The following ZNF341 variants were observed in gnomAD, a reference collection of about 807,000 sequenced individuals.
The protein encoded by ZNF341 is zinc finger protein 341.
A neutral mutation model predicts 87.7 loss-of-function variants in ZNF341; 52 were observed. That is an observed-to-expected ratio of 0.59 (90% CI 0.47 to 0.75). ZNF341 has a LOEUF of 0.75. Ranked by LOEUF, ZNF341 falls within the 30% of genes least tolerant of loss-of-function variation. The pLI is 0.00. For synonymous variants in ZNF341, 459 were observed against 472.7 expected, an observed-to-expected ratio of 0.97 and a Z score of 0.38; for missense variants, 977 against 1,145.9, an observed-to-expected ratio of 0.85 and a Z score of 2.13.
At chr20:33,745,738 C>T (rs576537171) in intron 3 of ZNF341, among the ~76,000 whole-genome samples, 3 of 151,238 alleles carry the variant, frequency 2.0e-5, no homozygotes, top group Admixed American at 6.6e-5. Context: ...ATGAGTTATG[C>T]GGCTGGTTTG....
rs2018600934 is a variant in ZNF341 at position 33,732,805 on chromosome 20, G to A, written c.31+753G>A. ...CTCAGGCTCAAAACTGTGGGCTTTGGAGACAGCAAACACTGAGCACCTCCA... is the reference window on the plus strand; with the variant it reads ...CTCAGGCTCAAAACTGTGGGCTTTGAAGACAGCAAACACTGAGCACCTCCA... On this transcript the variant is annotated intron_variant, in intron 1 of 14. Transcript: ENST00000375200. This position sits in a 1 kb window ranked among gnomAD's most constrained non-coding sequence, Gnocchi z 4.5. 6.6e-6 allele frequency among the ~76,000 whole-genome samples: 1 copy of A among 152,224 alleles called. No homozygotes were observed. Among genetic ancestry groups the A allele is most frequent in the Admixed American group, 6.5e-5 (1 of 15,280 alleles).
chr20:33,759,933 C>T (rs1040613882), intron 7 of ZNF341, among the ~76,000 whole-genome samples: 1 of 152,164 alleles, frequency 6.6e-6, no homozygotes, highest in Non-Finnish European at 1.5e-5. Flanking sequence ...ACCTGCACAT[C>T]GTGGAATGTT....
intron 3 of ZNF341, among the ~76,000 whole-genome samples, chr20:33,746,228 C>CTTTTTTTTTTTTTTTTTTTTT (rs34461652): frequency 1.9e-5 from 2 of 104,112 alleles, no homozygotes; most frequent in Admixed American, 1.0e-4. Context: ...CGCGCCCGGC[C>CTTTTTTTTTTTTTTTTTTTTT]TTTTTTTTTT....
chr20:33,787,656 A>G (rs1327942935), intron 12 of ZNF341: 1 of 152,192 alleles, frequency 6.6e-6, no homozygotes, highest in Non-Finnish European at 1.5e-5. Context: ...CAGCAGGAAG[A>G]TCTGGGTAGC....
chr20:33,775,654 T>G (rs1239170573), intron 10 of ZNF341, among the ~76,000 whole-genome samples: 2 of 152,120 alleles, frequency 1.3e-5, no homozygotes, highest in Non-Finnish European at 2.9e-5. Context: ...GCAATCATGT[T>G]CGAAAAGTGT....
rs143443426 is a variant in ZNF341 at position 33,791,183 on chromosome 20, G to A, written c.2231G>A (p.Arg744Gln). 9.9e-6 allele frequency: 16 copies of A among 1,613,094 alleles called. No homozygotes were observed. The highest frequency in any genetic ancestry group is 1.7e-4 in the Middle Eastern group (1 of 6,060). The change falls in exon 15 of 15, where the codon CGG becomes CAG. Residue 744 changes from arginine (R) to glutamine (Q), a missense_variant. Coordinates refer to ENST00000375200, the MANE Select transcript of ZNF341 (RefSeq NM_001282933.2). ...GPQKDKDLQT[R>Q]RPPQRRAAPR... The stretch of plus-strand genomic sequence containing the variant: ...CAAAAGGACAAGGACCTGCAAACCC[G>A]GCGGCCCCCCCAGAGGAGGGCAGCC...
Position 33,757,272 on chromosome 20 carries a change from C to T in ZNF341, c.866C>T (p.Thr289Met), listed in dbSNP as rs201606943. 101 of 1,605,152 alleles carry T rather than the reference C, an allele frequency of 6.3e-5. 1 individual carries two copies. Among genetic ancestry groups the T allele is most frequent in the South Asian group, 4.1e-4 (37 of 89,696 alleles). Residue 289 changes from threonine to methionine, a missense_variant, in exon 6 of 15, where the codon ACG becomes ATG. By Grantham distance (81) the Thr-to-Met change is moderately conservative. Coordinates refer to ENST00000375200, the MANE Select transcript of ZNF341 (RefSeq NM_001282933.2). ...AAPMTSATGG[T>M]VATFDSPATL... The stretch of plus-strand genomic sequence containing the variant: ...CCCATGACCAGCGCCACCGGGGGCA[C>T]GGTGGCCACCTTTGACTCTCCAGCA...
intron 8 of ZNF341, 47 bp from the exon 9 acceptor site, chr20:33,766,804 C>G (rs1453450000): frequency 1.0e-5 from 16 of 1,550,782 alleles, no homozygotes; most frequent in Non-Finnish European, 1.2e-5. Flanking sequence ...TGCATCCTTC[C>G]TGAATGGGCC....
At chr20:33,774,912 C>T (rs1485995739) in intron 10 of ZNF341, among the ~76,000 whole-genome samples, 1 of 151,932 alleles carries the variant, frequency 6.6e-6, no homozygotes, top group African/African-American at 2.4e-5. Context: ...TGCAGTGAGC[C>T]GTGATCATGC....
In ZNF341 at chr20:33,749,082, T is replaced by C. The variant is rs1432394992; in HGVS notation, c.489+10T>C. The C allele has an allele frequency of 2.5e-6, 4 of 1,609,678 alleles. No individual in the cohort carries two copies. The highest frequency in any genetic ancestry group is 3.3e-5 in the Admixed American group (2 of 59,708). On this transcript the variant is annotated intron_variant, in intron 4 of 14. Coordinates refer to ENST00000375200, the MANE Select transcript of ZNF341 (RefSeq NM_001282933.2). ...CCCCCCACCTGTGCAGGTAAGAAGG[T>C]GTGGGCTTCTCACAGGGTCTTGATT... is the stretch of plus-strand genomic sequence containing the variant.
chr20:33,744,752 C>G (rs1451599495), intron 2 of ZNF341, among the ~76,000 whole-genome samples: 1 of 152,038 alleles, frequency 6.6e-6, no homozygotes, highest in African/African-American at 2.4e-5. Context: ...CCACCATGCC[C>G]AGCTAATTTT....
intron 9 of ZNF341, among the ~76,000 whole-genome samples, chr20:33,767,916 A>G (rs1413818088): frequency 2.0e-5 from 3 of 152,178 alleles, no homozygotes; most frequent in Non-Finnish European, 2.9e-5. Flanking sequence ...TATGGGCTTC[A>G]TCCTCAAGGT....
At chr20:33,742,516 A>G (rs1246178681) in intron 2 of ZNF341, among the ~76,000 whole-genome samples, 2 of 151,578 alleles carry the variant, frequency 1.3e-5, no homozygotes, top group African/African-American at 4.9e-5. Context: ...GGATTTCATC[A>G]TGTTGGCCTG....
intron 3 of ZNF341, among the ~76,000 whole-genome samples, chr20:33,747,739 G>T (rs1475301857): frequency 7.0e-6 from 1 of 142,074 alleles, no homozygotes. Flanking sequence ...TTGAGACAAG[G>T]TCTTACTGTC....
In ZNF341 at chr20:33,762,041, A is replaced by G; in HGVS notation, c.1208A>G (p.Asp403Gly). ...GCCCTGAACCCCAGCAGGCAGGAGG[A>G]CGAGGAAAGCACAGGTGGGTGGAAG... ...VMALNPSRQE[D>G]EESTGLGQPL... is the part of the protein sequence containing the mutation. The change falls in exon 8 of 15, where the codon GAC becomes GGC. Residue 403 changes from aspartate (D) to glycine (G), a missense_variant. Transcript: ENST00000375200. The G allele has an allele frequency of 6.4e-7, 1 of 1,561,344 alleles. No individual in the cohort carries two copies. The highest frequency in any genetic ancestry group is 1.2e-5 in the South Asian group (1 of 86,420).
intron 8 of ZNF341, among the ~76,000 whole-genome samples, chr20:33,764,944 A>C (rs1292422941): frequency 6.6e-6 from 1 of 151,722 alleles, no homozygotes; most frequent in African/African-American, 2.4e-5. Context: ...CTCCCTCCTC[A>C]GCCTCCCAAG....
At position 33,760,140 on chromosome 20, in the gene ZNF341, C is replaced by T. The variant is rs908849335; in HGVS notation, c.1028+1334C>T. On this transcript the variant is annotated intron_variant, in intron 7 of 14. Coordinates refer to ENST00000375200, the MANE Select transcript of ZNF341 (RefSeq NM_001282933.2). ...AAATTGGGTTGGGCATGGTGGCTCA[C>T]GCCTGTAATCCTAGCACTTTGGGAG... 1.5e-4 allele frequency among the ~76,000 whole-genome samples: 23 copies of T among 152,214 alleles called. No individual in the cohort carries two copies. In the Middle Eastern group the frequency reaches 0.014, roughly 91 times the overall value.
chr20:33,776,036 T>A lies in ZNF341; in HGVS notation c.1623-5255T>A, dbSNP rs376976185. Among the ~76,000 whole-genome samples, 57 of 152,166 alleles carry A rather than the reference T, an allele frequency of 3.7e-4. 2 individuals are homozygous for A. In the East Asian group the frequency reaches 0.01, roughly 27 times the overall value. On this transcript the variant is annotated intron_variant, in intron 10 of 14. Transcript: ENST00000375200. ...TGTTTTAAAGCTTTCCTTTGTTTCA[T>A]GAATTTAACTTATGTATGTATTTTA...
chr20:33,778,067 T>C (rs968496731), intron 10 of ZNF341, among the ~76,000 whole-genome samples: 9 of 152,212 alleles, frequency 5.9e-5, no homozygotes, highest in African/African-American at 1.9e-4. Context: ...TGATGTTACC[T>C]TGGATGACTT....
Sources: gnomAD v4.1 joint callset for allele counts (sites outside exome capture counted in the v4.1 genomes callset) on GRCh38, gnomAD v4.1.1 for gene constraint, Gnocchi (gnomAD v3.1) non-coding constraint, MANE v1.5 for transcripts, NCBI Gene and HGNC (gene_info 2026-07-23, HGNC 2026-07-21) for gene names.